GALK2: variants seen among roughly 807,000 people sequenced by gnomAD.
The protein encoded by GALK2 is N-acetylgalactosamine kinase.
A neutral mutation model predicts 52.4 loss-of-function variants in GALK2; 36 were observed. The ratio of observed to expected loss-of-function variants is 0.69; its 90% confidence interval spans 0.53 to 0.91. GALK2 has a LOEUF of 0.91. Ranked by LOEUF, GALK2 falls within the 40% of genes least tolerant of loss-of-function variation. The probability of loss-of-function intolerance (pLI) is 0.00; values close to 1 mark genes in which losing one functional copy is unlikely to be tolerated. For missense variants in GALK2, 579 were observed against 559.1 expected (o/e 1.04, Z -0.36); for synonymous variants, 176 against 199.1 (o/e 0.88, Z 0.98).
chr15:49,180,828 C>T (rs73390379), intron 1 of GALK2, among the ~76,000 whole-genome samples: 1,833 of 152,192 alleles, frequency 0.012, 35 homozygotes, highest in African/African-American at 0.042. Flanking sequence ...CAAACATTAC[C>T]TCTTTGGGGA....
At chr15:49,365,892 A>T in intron 3 of GALK2, 1 of 966,900 alleles carries the variant, frequency 1.0e-6, no homozygotes, top group Non-Finnish European at 1.7e-6. Context: ...TTAGTGCAGC[A>T]AGAGAGTTGT....
At chr15:49,186,812 C>T (rs1325780267) in intron 1 of GALK2, among the ~76,000 whole-genome samples, 2 of 152,304 alleles carry the variant, frequency 1.3e-5, no homozygotes, top group East Asian at 3.9e-4. Context: ...GCTGGGATTA[C>T]AGGTGTGAGC....
intron 3 of GALK2, among the ~76,000 whole-genome samples, chr15:49,234,978 G>T (rs1339893574): frequency 6.6e-6 from 1 of 152,072 alleles, no homozygotes; most frequent in African/African-American, 2.4e-5. Context: ...TATTGGCCAG[G>T]CTTGTCTCGA....
At chr15:49,305,149 T>A (rs982115821) in intron 8 of GALK2, among the ~76,000 whole-genome samples, 2 of 152,222 alleles carry the variant, frequency 1.3e-5, no homozygotes, top group African/African-American at 4.8e-5. Context: ...CTACCTACTG[T>A]GCCATTTGTT....
At chr15:49,189,119 G>A (rs1331950454) in intron 1 of GALK2, among the ~76,000 whole-genome samples, 2 of 152,196 alleles carry the variant, frequency 1.3e-5, no homozygotes, top group Non-Finnish European at 2.9e-5. Context: ...TTGGTTTGGT[G>A]ATGTGGAACT....
At position 49,349,990 on chromosome 15, in the gene GALK2, G is replaced by A. The variant is rs138440312; in HGVS notation, c.427-17501G>A. ...AACTTTGTTGGTAACTTTGTTGGAT[G>A]GATGAATAAGGTAATATGTAAACTC... On this transcript the variant is annotated intron_variant, in intron 3 of 3. Transcript: ENST00000558399. Among the ~76,000 whole-genome samples the A allele has an allele frequency of 1.9e-3, 290 of 152,262 alleles. 2 individuals are homozygous for A. The highest frequency in any genetic ancestry group is 6.5e-3 in the African/African-American group (269 of 41,542).
intron 6 of GALK2, 56 bp downstream of exon 6, chr15:49,282,141 T>C (rs1249084483): frequency 1.5e-6 from 2 of 1,323,536 alleles, no homozygotes; most frequent in African/African-American, 2.9e-5. Flanking sequence ...AAAATTTACA[T>C]GGAGAAGAAG....
intron 5 of GALK2, among the ~76,000 whole-genome samples, chr15:49,263,823 T>C (rs1005591115): frequency 2.1e-5 from 3 of 143,248 alleles, no homozygotes; most frequent in African/African-American, 7.9e-5. Context: ...TCTCCTTCAC[T>C]TATGAAGCTT....
chr15:49,340,320 C>T (rs564201164), intron 3 of GALK2, among the ~76,000 whole-genome samples: 102 of 152,120 alleles, frequency 6.7e-4, no homozygotes, highest in African/African-American at 2.4e-3. Flanking sequence ...GGCTGGAGTA[C>T]ACGGTACAGT....
intron 5 of GALK2, among the ~76,000 whole-genome samples, chr15:49,281,311 GA>G (rs1301470290): frequency 3.9e-5 from 6 of 152,224 alleles, no homozygotes; most frequent in Non-Finnish European, 7.3e-5. Context: ...AATGGTAAAT[GA>G]TACAATTTCG....
intron 5 of GALK2, among the ~76,000 whole-genome samples, chr15:49,267,277 G>T (rs1053357838): frequency 6.6e-6 from 1 of 152,132 alleles, no homozygotes; most frequent in Non-Finnish European, 1.5e-5. Flanking sequence ...GACCTAAAAG[G>T]ATTCTTGCTG....
chr15:49,202,325 C>T (rs149411437), intron 2 of GALK2, among the ~76,000 whole-genome samples: 2,093 of 152,158 alleles, frequency 0.014, 32 homozygotes, highest in Non-Finnish European at 0.02. Context: ...GTTAACTGAC[C>T]TCTCCCTACC....
In GALK2 at chr15:49,343,402, C is replaced by T. The variant is rs143618957; in HGVS notation, c.426+23597C>T. Among the ~76,000 whole-genome samples, 924 of 152,182 alleles carry T rather than the reference C, an allele frequency of 6.1e-3. 4 individuals carry two copies. The highest frequency in any genetic ancestry group is 0.01 in the Non-Finnish European group (694 of 67,978). Reference sequence around the variant, plus strand: ...GATTGATTTCCTAAGATGTGTATCTCTTACTTCATTTCCTGAATTGATTTA... The same window carrying T: ...GATTGATTTCCTAAGATGTGTATCTTTTACTTCATTTCCTGAATTGATTTA... On this transcript the variant is annotated intron_variant, in intron 3 of 3. Transcript: ENST00000558399.
intron 5 of GALK2, among the ~76,000 whole-genome samples, chr15:49,241,618 A>G (rs1383063179): frequency 6.6e-6 from 1 of 152,230 alleles, no homozygotes; most frequent in African/African-American, 2.4e-5. Context: ...AAGGGTCTAT[A>G]AGGGGTAAGA....
chr15:49,339,680 A>G (rs995233037), intron 3 of GALK2, among the ~76,000 whole-genome samples: 3 of 152,156 alleles, frequency 2.0e-5, no homozygotes, highest in Non-Finnish European at 4.4e-5. Context: ...CTGTCTTTAG[A>G]GCTGCCAAGT....
At chr15:49,176,650 G>A (rs2085483847) in intron 1 of GALK2, among the ~76,000 whole-genome samples, 1 of 152,062 alleles carries the variant, frequency 6.6e-6, no homozygotes, top group Non-Finnish European at 1.5e-5. Flanking sequence ...ACAGATTTCT[G>A]GTGCTGATTA....
rs1360198549 is a variant in GALK2, at chr15:49,192,485, G to GTGTATATA, written c.54-8676_54-8675insGTATATAT. On this transcript the variant is annotated intron_variant, in intron 1 of 9. Coordinates refer to ENST00000560031, the MANE Select transcript of GALK2 (RefSeq NM_002044.4). The stretch of plus-strand genomic sequence containing the variant: ...TCTGCAATGAATATTATATATATAT[G>GTGTATATA]TATATATATATATATATATATATAT... Among the ~76,000 whole-genome samples the GTGTATATA allele has an allele frequency of 3.1e-3, 321 of 102,964 alleles. 8 individuals carry two copies. Among genetic ancestry groups the GTGTATATA allele is most frequent in the African/African-American group, 7.7e-3 (191 of 24,714 alleles). The allele number at this position is 102,964 out of a possible 152,430, so 67.5% of individuals were successfully genotyped here. A position where few individuals can be genotyped will look rare whatever the true frequency, so the allele number is the denominator to read the frequency against.
At chr15:49,318,997 C>G in intron 8 of GALK2, 1 of 444,608 alleles carries the variant, frequency 2.2e-6, no homozygotes, top group Non-Finnish European at 4.5e-6. Flanking sequence ...ATCGCCCAGG[C>G]TGGAGTGCAA....
intron 1 of GALK2, among the ~76,000 whole-genome samples, chr15:49,199,389 G>A (rs1350792228): frequency 2.0e-5 from 3 of 152,054 alleles, no homozygotes; most frequent in Non-Finnish European, 2.9e-5. Context: ...TTTTGAGGAT[G>A]TATAGAGAAA....
Sources: allele counts gnomAD v4.1 joint callset (sites outside exome capture counted in the v4.1 genomes callset), GRCh38; gene constraint gnomAD v4.1.1; transcripts MANE v1.5; gene names NCBI Gene and HGNC (gene_info 2026-07-23, HGNC 2026-07-21).